DLG2: variants seen among roughly 807,000 people sequenced by gnomAD.
DLG2 encodes the protein discs large MAGUK scaffold protein 2.
DLG2 carries 45 observed loss-of-function variants against 132.5 expected under a neutral mutation model. That is an observed-to-expected ratio of 0.34 (90% confidence interval 0.27 to 0.44). The LOEUF is 0.44. Among genes scored for constraint, DLG2 ranks in the 20% least tolerant of loss-of-function variants. DLG2 has a pLI of 1.00. For synonymous variants in DLG2, 424 were observed against 419.6 expected (o/e 1.01, Z -0.13); for missense variants, 1,045 against 1,196.9 (o/e 0.87, Z 1.87).
chr11:85,474,665 G>T (rs944354471), intron 3 of DLG2, among the ~76,000 whole-genome samples: 1 of 151,828 alleles, frequency 6.6e-6, no homozygotes, highest in African/African-American at 2.4e-5. Flanking sequence ...TAATAAAATT[G>T]TTCTCTATCT....
chr11:84,210,650 A>G (rs557953744), intron 8 of DLG2, among the ~76,000 whole-genome samples: 1 of 152,350 alleles, frequency 6.6e-6, no homozygotes, highest in East Asian at 1.9e-4. Context: ...TTTAAACAAT[A>G]GACTACTACT....
chr11:85,611,999 AGGAAGAGACT>A (rs2081041176), intron 2 of DLG2, among the ~76,000 whole-genome samples: 1 of 152,208 alleles, frequency 6.6e-6, no homozygotes, highest in Non-Finnish European at 1.5e-5. Flanking sequence ...AGAGACAGAG[AGGAAGAGACT>A]GAAAGTCAAA....
intron 6 of DLG2, among the ~76,000 whole-genome samples, chr11:84,935,027 C>T (rs972551980): frequency 1.3e-5 from 2 of 152,102 alleles, no homozygotes; most frequent in Non-Finnish European, 2.9e-5. Flanking sequence ...CTCTCTTTTT[C>T]CTATTTTAAG....
chr11:85,149,068 G>A (rs941778508), intron 5 of DLG2, among the ~76,000 whole-genome samples: 2 of 152,164 alleles, frequency 1.3e-5, no homozygotes, highest in Admixed American at 6.5e-5. Context: ...TAGATATGTG[G>A]TGTTGTTTCT....
At chr11:84,638,617 T>C (rs181943011) in intron 6 of DLG2, among the ~76,000 whole-genome samples, 50 of 152,338 alleles carry the variant, frequency 3.3e-4, no homozygotes, top group Non-Finnish European at 5.0e-4. Flanking sequence ...TTTTTTGAAA[T>C]TGCTCAACTA....
intron 14 of DLG2, among the ~76,000 whole-genome samples, chr11:83,938,646 A>G (rs2082011879): frequency 1.3e-5 from 2 of 152,218 alleles, no homozygotes; most frequent in African/African-American, 4.8e-5. Flanking sequence ...TCATTCATTC[A>G]TTCCACAAAT....
intron 7 of DLG2, among the ~76,000 whole-genome samples, chr11:84,418,202 CT>C (rs1177537041): frequency 6.6e-6 from 1 of 152,156 alleles, no homozygotes; most frequent in Non-Finnish European, 1.5e-5. Flanking sequence ...TCTTATTCAT[CT>C]CTGTGTTGCT....
At chr11:84,310,512 TG>T (rs946727795) in intron 7 of DLG2, among the ~76,000 whole-genome samples, 106 of 152,334 alleles carry the variant, frequency 7.0e-4, no homozygotes, top group African/African-American at 2.5e-3. Flanking sequence ...GGCCTCTCCT[TG>T]CCCTATCCCA....
At chr11:85,140,169 T>C (rs542415442) in intron 5 of DLG2, among the ~76,000 whole-genome samples, 1 of 152,124 alleles carries the variant, frequency 6.6e-6, no homozygotes, top group African/African-American at 2.4e-5. Context: ...TTCCTTTGTG[T>C]ATATGCCCAG....
chr11:84,424,845 G>A (rs943298512), intron 7 of DLG2, among the ~76,000 whole-genome samples: 1 of 152,024 alleles, frequency 6.6e-6, no homozygotes, highest in African/African-American at 2.4e-5. Flanking sequence ...GATATACCAG[G>A]TGGTGTGCAA....
intron 9 of DLG2, among the ~76,000 whole-genome samples, chr11:84,153,536 T>A (rs80268971): frequency 2.0e-5 from 3 of 152,178 alleles, no homozygotes; most frequent in Non-Finnish European, 2.9e-5. Context: ...GTTTTGCTCA[T>A]TAAAAAAAAA....
chr11:84,127,837 C>T (rs1187944604), intron 9 of DLG2, among the ~76,000 whole-genome samples: 1 of 152,102 alleles, frequency 6.6e-6, no homozygotes, highest in Non-Finnish European at 1.5e-5. Context: ...TTAGGGCCCA[C>T]CCTAATGACC....
chr11:85,176,766 G>GA (rs1178481443), intron 4 of DLG2, among the ~76,000 whole-genome samples: 1 of 151,628 alleles, frequency 6.6e-6, no homozygotes, highest in Non-Finnish European at 1.5e-5. Context: ...AAATTTACAA[G>GA]AAAAAACAAC....
At chr11:84,404,745 A>C (rs1168332307) in intron 7 of DLG2, among the ~76,000 whole-genome samples, 1 of 152,232 alleles carries the variant, frequency 6.6e-6, no homozygotes, top group Non-Finnish European at 1.5e-5. Flanking sequence ...CAAAGGAAAT[A>C]TGTGTTGAAC....
intron 7 of DLG2, among the ~76,000 whole-genome samples, chr11:84,339,311 C>A (rs1215828334): frequency 6.6e-6 from 1 of 152,168 alleles, no homozygotes; most frequent in Non-Finnish European, 1.5e-5. Flanking sequence ...CTATTATAAC[C>A]ATTATTTCGT....
At chr11:83,932,603 C>T (rs1310668995) in intron 14 of DLG2, among the ~76,000 whole-genome samples, 4 of 152,070 alleles carry the variant, frequency 2.6e-5, no homozygotes, top group Admixed American at 1.3e-4. Flanking sequence ...ATATTATGTA[C>T]TAGAGCACAG....
intron 10 of DLG2, among the ~76,000 whole-genome samples, chr11:84,093,768 C>A (rs184829392): frequency 3.3e-5 from 5 of 152,052 alleles, no homozygotes; most frequent in African/African-American, 9.6e-5. Context: ...GCGCCCACCA[C>A]AACACCCCGC....
chr11:85,380,033 G>A lies in DLG2; in HGVS notation c.41-94668C>T, dbSNP rs139304146. Among the ~76,000 whole-genome samples the A allele has an allele frequency of 1.4e-3, 214 of 152,128 alleles. 1 individual carries two copies. Among genetic ancestry groups the A allele is most frequent in the South Asian group, 6.0e-3 (29 of 4,820 alleles). On this transcript the variant is annotated intron_variant, in intron 3 of 27. Transcript: ENST00000376104. ...TATCAACAAAATATAAAAGTACTAC[G>A]TTTGATTTTCCACAAAATATTGCCC...
At chr11:85,555,416 C>T (rs1285118611) in intron 3 of DLG2, among the ~76,000 whole-genome samples, 1 of 151,824 alleles carries the variant, frequency 6.6e-6, no homozygotes, top group Non-Finnish European at 1.5e-5. Flanking sequence ...AAAACTTTGA[C>T]CTTCACATTG....
Sources: gnomAD v4.1 joint callset for allele counts (sites outside exome capture counted in the v4.1 genomes callset) on GRCh38, gnomAD v4.1.1 for gene constraint, MANE v1.5 for transcripts, NCBI Gene and HGNC (gene_info 2026-07-23, HGNC 2026-07-21) for gene names.